Variants in PIAS1 observed in about 807,000 individuals in gnomAD.
PIAS1 encodes E3 SUMO-protein ligase PIAS1.
Under a neutral mutation model 71.3 loss-of-function variants are expected in PIAS1, and 6 were observed. The observed-to-expected ratio is 0.08, with a 90% CI of 0.05 to 0.17. The LOEUF (loss-of-function observed/expected upper bound fraction) is 0.17. Ranked by LOEUF, PIAS1 falls within the 10% of genes least tolerant of loss-of-function variation. The probability of loss-of-function intolerance (pLI) is 1.00; values close to 1 mark genes in which losing one functional copy is unlikely to be tolerated. For missense variants in PIAS1, 555 were observed against 793.6 expected (o/e 0.70, Z 3.61); for synonymous variants, 303 against 292.9 (o/e 1.03, Z -0.35).
intron 2 of PIAS1, among the ~76,000 whole-genome samples, chr15:68,120,073 G>A (rs1029061580): frequency 6.6e-6 from 1 of 152,202 alleles, no homozygotes; most frequent in Non-Finnish European, 1.5e-5. Flanking sequence ...GTCCTGAGTA[G>A]GTGGGACTAC....
Position 68,187,808 on chromosome 15 carries a change from C to T in PIAS1, c.1929C>T (p.Ile643=), listed in dbSNP as rs376963276. ...SSTDTASIFG[I]IPDIISLD is the part of the protein sequence containing the mutation. ...CGGACACGGCATCCATCTTTGGCAT[C>T]ATACCAGACATTATTTCATTGGACT... The change falls in exon 14 of 14, where the codon ATC becomes ATT. Residue 643 remains isoleucine, a synonymous_variant. Transcript: ENST00000249636. This position sits in a 1 kb window ranked among gnomAD's most constrained non-coding sequence, Gnocchi z 5.3. 11 of 1,613,574 alleles carry T rather than the reference C, an allele frequency of 6.8e-6. No individual in the cohort carries two copies. The highest frequency in any genetic ancestry group is 1.7e-4 in the Middle Eastern group (1 of 5,942).
chr15:68,164,691 ACT>A lies in PIAS1; in HGVS notation c.935-37_935-36del, dbSNP rs750654471. 1.8e-5 allele frequency: 21 copies of A among 1,160,222 alleles called. No individual in the cohort carries two copies. In the Admixed American group the frequency reaches 3.0e-4, roughly 16 times the overall value. 71.9% of individuals were successfully genotyped at this position (1,160,222 alleles called of 1,614,324 possible). ...GCTCCAGTAATGTATCTTTAATAAA[ACT>A]CTGTTTGCTTTTTTTCTTCTTCTTC... On this transcript the variant is annotated intron_variant, in intron 7 of 13. Transcript: ENST00000249636.
At chr15:68,126,185 A>G (rs2092649470) in intron 2 of PIAS1, among the ~76,000 whole-genome samples, 1 of 152,114 alleles carries the variant, frequency 6.6e-6, no homozygotes, top group Non-Finnish European at 1.5e-5. Flanking sequence ...GAATTATTTC[A>G]TTAATTATTT....
chr15:68,089,726 T>C (rs1163795138), intron 2 of PIAS1, among the ~76,000 whole-genome samples: 1 of 151,850 alleles, frequency 6.6e-6, no homozygotes, highest in African/African-American at 2.4e-5. Context: ...CCGACTAATT[T>C]TGTATTTTTA....
At chr15:68,075,078 C>CTTTTTTTTTTTTTTTTTT (rs146114696) in intron 1 of PIAS1, among the ~76,000 whole-genome samples, 11 of 81,766 alleles carry the variant, frequency 1.3e-4, no homozygotes, top group Non-Finnish European at 2.1e-4. Flanking sequence ...TTCTTTCTTT[C>CTTTTTTTTTTTTTTTTTT]TTTTTTTTTT....
At chr15:68,104,137 G>C (rs1402331296) in intron 2 of PIAS1, among the ~76,000 whole-genome samples, 1 of 152,128 alleles carries the variant, frequency 6.6e-6, no homozygotes, top group Admixed American at 6.5e-5. Context: ...ATCCTAGTGG[G>C]TGTGAAGTGA....
chr15:68,130,702 C>G (rs964314005), intron 2 of PIAS1, among the ~76,000 whole-genome samples: 1 of 147,712 alleles, frequency 6.8e-6, no homozygotes, highest in Admixed American at 6.7e-5. Flanking sequence ...TTCAGTTTCA[C>G]TTTTTGAATA....
At chr15:68,070,385 C>T (rs559423322) in intron 1 of PIAS1, among the ~76,000 whole-genome samples, 8 of 152,078 alleles carry the variant, frequency 5.3e-5, no homozygotes, top group Non-Finnish European at 4.4e-5. Flanking sequence ...ATGAAATGTT[C>T]GAGTTAGTGA....
intron 2 of PIAS1, among the ~76,000 whole-genome samples, chr15:68,120,029 G>A (rs1176171955): frequency 1.3e-5 from 2 of 152,152 alleles, no homozygotes; most frequent in African/African-American, 4.8e-5. Context: ...GCTGGATTCA[G>A]ACTCCTGGGC....
chr15:68,128,310 G>A (rs1237042494), intron 2 of PIAS1, among the ~76,000 whole-genome samples: 1 of 152,138 alleles, frequency 6.6e-6, no homozygotes, highest in Non-Finnish European at 1.5e-5. Flanking sequence ...TGGGTTACTG[G>A]CGTGTGCCAC....
chr15:68,140,344 T>G (rs2092761852), intron 2 of PIAS1, among the ~76,000 whole-genome samples: 1 of 152,236 alleles, frequency 6.6e-6, no homozygotes, highest in Admixed American at 6.5e-5. Flanking sequence ...TAAATTAGGC[T>G]AAGTCTACTG....
In PIAS1 at chr15:68,146,492, G is replaced by T. The variant is rs537822503; in HGVS notation, c.694-74G>T. On this transcript the variant is annotated intron_variant, in intron 5 of 13. Transcript: ENST00000249636. ...TTTTCTAGTATGCAGTTTGTAGGGG[G>T]TTTTTTCTTAAGGAATGGAAGTCAA... is the stretch of plus-strand genomic sequence containing the variant. 3.6e-4 allele frequency: 417 copies of T among 1,151,398 alleles called. 3 individuals are homozygous for T. The South Asian group carries it at 4.8e-3, about 13-fold the overall frequency. 71.3% of individuals were successfully genotyped at this position (1,151,398 alleles called of 1,614,324 possible).
At chr15:68,154,773 T>C (rs755670884) in intron 7 of PIAS1, among the ~76,000 whole-genome samples, 6 of 152,234 alleles carry the variant, frequency 3.9e-5, no homozygotes, top group Non-Finnish European at 8.8e-5. Flanking sequence ...TGACAGATGA[T>C]GGAGACCTAG....
intron 7 of PIAS1, among the ~76,000 whole-genome samples, chr15:68,154,442 T>A (rs1238377898): frequency 6.6e-6 from 1 of 152,232 alleles, no homozygotes; most frequent in East Asian, 1.9e-4. Context: ...GAAACAAAAC[T>A]TTTATAGGCA....
rs1468520497 is a variant in PIAS1 at position 68,193,033 on chromosome 15, T to A, written c.*5198T>A. Reference sequence around the variant, plus strand: ...CTGGATGGACTCCCAGAAAGCCTAGTGCTCCTACTACTGTTTTCCAGGGCT... The same window carrying A: ...CTGGATGGACTCCCAGAAAGCCTAGAGCTCCTACTACTGTTTTCCAGGGCT... On this transcript the variant is annotated 3_prime_UTR_variant, in exon 14 of 14. Transcript: ENST00000249636. The A allele has an allele frequency of 6.6e-6, 1 of 152,310 alleles. No homozygotes were observed. The highest frequency in any genetic ancestry group is 2.4e-5 in the African/African-American group (1 of 41,452). The allele number at this position is 152,310 out of a possible 1,614,324, so 9.4% of individuals were successfully genotyped here. A position where few individuals can be genotyped will look rare whatever the true frequency, so the allele number is the denominator to read the frequency against.
At chr15:68,148,956 T>C (rs556544497) in intron 6 of PIAS1, among the ~76,000 whole-genome samples, 1 of 151,884 alleles carries the variant, frequency 6.6e-6, no homozygotes, top group Admixed American at 6.6e-5. Flanking sequence ...GAATTGAAAG[T>C]CGAGGGCTAA....
intron 2 of PIAS1, among the ~76,000 whole-genome samples, chr15:68,105,426 A>AT (rs2092460723): frequency 1.3e-5 from 2 of 151,454 alleles, no homozygotes; most frequent in South Asian, 4.1e-4. Context: ...TATGTACATG[A>AT]TTTTTTTCTC....
At chr15:68,064,825 G>A (rs751408438) in intron 1 of PIAS1, among the ~76,000 whole-genome samples, 10 of 152,046 alleles carry the variant, frequency 6.6e-5, no homozygotes, top group Non-Finnish European at 1.3e-4. Flanking sequence ...AAAGAGATTT[G>A]CAAAAATGTA....
chr15:68,187,940 C>T lies in PIAS1; in HGVS notation c.*105C>T, dbSNP rs2093098796. The T allele has an allele frequency of 2.9e-5, 31 of 1,050,912 alleles. No homozygotes were observed. Among genetic ancestry groups the T allele is most frequent in the Non-Finnish European group, 3.8e-5 (28 of 738,752 alleles). The allele number at this position is 1,050,912 out of a possible 1,614,324, so 65.1% of individuals were successfully genotyped here. On this transcript the variant is annotated 3_prime_UTR_variant, in exon 14 of 14. Transcript: ENST00000249636. This position sits in a 1 kb window ranked among gnomAD's most constrained non-coding sequence, Gnocchi z 5.3. ...ACCTTACTCTGTTTAGAAAAGTATA[C>T]AAGCGTGTTTTTTTTCCTTTTTTTA...
Sources: gnomAD v4.1 joint callset for allele counts (sites outside exome capture counted in the v4.1 genomes callset) on GRCh38, gnomAD v4.1.1 for gene constraint, Gnocchi (gnomAD v3.1) non-coding constraint, MANE v1.5 for transcripts, NCBI Gene and HGNC (gene_info 2026-07-23, HGNC 2026-07-21) for gene names.